LRRC4C: variants seen among roughly 807,000 people sequenced by gnomAD.
LRRC4C encodes leucine rich repeat containing 4C.
A neutral mutation model predicts 33.6 loss-of-function variants in LRRC4C; 5 were observed. That is an observed-to-expected ratio of 0.15 (90% confidence interval 0.08 to 0.31). The LOEUF (loss-of-function observed/expected upper bound fraction) is 0.31, where lower values mean the gene tolerates loss of function less well. Ranked by LOEUF, LRRC4C falls within the 10% of genes least tolerant of loss-of-function variation. The probability of loss-of-function intolerance (pLI) is 1.00; values close to 1 mark genes in which losing one functional copy is unlikely to be tolerated. For missense variants in LRRC4C, 560 were observed against 796.7 expected (o/e 0.70, Z 3.58); for synonymous variants, 329 against 302.0 (o/e 1.09, Z -0.93).
chr11:41,018,687 C>A (rs1312280364), intron 1 of LRRC4C, among the ~76,000 whole-genome samples: 1 of 152,118 alleles, frequency 6.6e-6, no homozygotes, highest in African/African-American at 2.4e-5. Flanking sequence ...CCTTTCTTCA[C>A]CTCTCTTGCT....
intron 1 of LRRC4C, among the ~76,000 whole-genome samples, chr11:40,950,135 C>T (rs1958627079): frequency 6.6e-6 from 1 of 151,876 alleles, no homozygotes; most frequent in South Asian, 2.1e-4. Flanking sequence ...TGTCCAAGGT[C>T]CCACCCACCC....
intron 2 of LRRC4C, among the ~76,000 whole-genome samples, chr11:40,753,540 C>CTTT (rs34980126): frequency 4.5e-4 from 58 of 129,676 alleles, no homozygotes; most frequent in East Asian, 3.4e-3. Flanking sequence ...CACAGAGGCA[C>CTTT]TTTTTTTTTT....
intron 3 of LRRC4C, among the ~76,000 whole-genome samples, chr11:40,525,006 G>T (rs949228347): frequency 3.3e-5 from 5 of 152,130 alleles, no homozygotes; most frequent in African/African-American, 1.2e-4. Flanking sequence ...TATAAAGAAT[G>T]GGTAGTGATT....
intron 4 of LRRC4C, among the ~76,000 whole-genome samples, chr11:40,299,720 T>A (rs1291479726): frequency 1.3e-5 from 2 of 152,210 alleles, no homozygotes; most frequent in Non-Finnish European, 2.9e-5. Context: ...CTTAATAAAT[T>A]TTGATTGACT....
chr11:40,556,307 C>A (rs1232476299), intron 3 of LRRC4C, among the ~76,000 whole-genome samples: 1 of 152,176 alleles, frequency 6.6e-6, no homozygotes, highest in Non-Finnish European at 1.5e-5. Context: ...CTGTAGCTTT[C>A]CTACCAAGTT....
At chr11:40,588,147 T>A (rs1434669700) in intron 3 of LRRC4C, among the ~76,000 whole-genome samples, 1 of 151,610 alleles carries the variant, frequency 6.6e-6, no homozygotes, top group Non-Finnish European at 1.5e-5. Context: ...ATTGCCACAA[T>A]TTCAGATCCT....
At chr11:40,369,561 C>A (rs574786817) in intron 3 of LRRC4C, among the ~76,000 whole-genome samples, 1 of 152,340 alleles carries the variant, frequency 6.6e-6, no homozygotes, top group African/African-American at 2.4e-5. Context: ...TGGTCTCGAA[C>A]TCCTGACCTC....
chr11:40,684,458 G>T (rs938114647), intron 2 of LRRC4C, among the ~76,000 whole-genome samples: 1 of 151,858 alleles, frequency 6.6e-6, no homozygotes, highest in Non-Finnish European at 1.5e-5. Context: ...ATGCATAAAA[G>T]ATATTAAAAG....
At chr11:40,190,763 C>T (rs1029039433) in intron 5 of LRRC4C, among the ~76,000 whole-genome samples, 10 of 152,106 alleles carry the variant, frequency 6.6e-5, no homozygotes, top group Non-Finnish European at 1.3e-4. Context: ...TAGTTATACT[C>T]ATGTGTCTAG....
intron 4 of LRRC4C, among the ~76,000 whole-genome samples, chr11:40,315,641 G>A (rs1175844407): frequency 6.6e-6 from 1 of 151,626 alleles, no homozygotes; most frequent in East Asian, 1.9e-4. Flanking sequence ...TTTTTAAGTT[G>A]TTTCCAATAT....
intron 6 of LRRC4C, among the ~76,000 whole-genome samples, chr11:40,121,653 T>G (rs1475909584): frequency 6.6e-6 from 1 of 152,196 alleles, no homozygotes; most frequent in Non-Finnish European, 1.5e-5. Context: ...TCAACAGACT[T>G]TCTTCCTTTA....
chr11:40,293,198 G>C (rs1944314904), intron 4 of LRRC4C: 1 of 152,364 alleles, frequency 6.6e-6, no homozygotes, highest in Admixed American at 6.6e-5. Flanking sequence ...ATGGAGTGCG[G>C]GGGGCGGGGG....
At chr11:41,429,151 T>C (rs1955146831) in intron 1 of LRRC4C, among the ~76,000 whole-genome samples, 1 of 152,078 alleles carries the variant, frequency 6.6e-6, no homozygotes, top group African/African-American at 2.4e-5. Context: ...TTTTATAAGG[T>C]ATAAGGGGCT....
intron 2 of LRRC4C, among the ~76,000 whole-genome samples, chr11:40,759,255 T>G (rs1370185284): frequency 6.8e-6 from 1 of 147,792 alleles, no homozygotes; most frequent in East Asian, 2.0e-4. Flanking sequence ...TATGTACTTC[T>G]TCCATATATA....
At chr11:41,368,634 T>C (rs1952630345) in intron 1 of LRRC4C, among the ~76,000 whole-genome samples, 1 of 152,216 alleles carries the variant, frequency 6.6e-6, no homozygotes, top group Non-Finnish European at 1.5e-5. Flanking sequence ...CCATCACACA[T>C]GGCTCTGCCA....
intron 3 of LRRC4C, among the ~76,000 whole-genome samples, chr11:40,631,477 T>C (rs1963473084): frequency 1.3e-5 from 2 of 152,168 alleles, no homozygotes; most frequent in Non-Finnish European, 2.9e-5. Flanking sequence ...AACAGACATA[T>C]GGCTGCAAAA....
intron 5 of LRRC4C, among the ~76,000 whole-genome samples, chr11:40,194,178 A>G (rs1862065516): frequency 6.6e-6 from 1 of 152,148 alleles, no homozygotes; most frequent in African/African-American, 2.4e-5. Flanking sequence ...GGTTGAAATG[A>G]AGGAAAAAAT....
At chr11:40,937,727 C>T (rs1244944068) in intron 1 of LRRC4C, among the ~76,000 whole-genome samples, 2 of 151,804 alleles carry the variant, frequency 1.3e-5, no homozygotes, top group Non-Finnish European at 2.9e-5. Context: ...ACTGCAGCCT[C>T]GAACTCCTGT....
intron 2 of LRRC4C, among the ~76,000 whole-genome samples, chr11:40,836,030 C>G (rs1420115106): frequency 6.6e-6 from 1 of 152,080 alleles, no homozygotes; most frequent in South Asian, 2.1e-4. Context: ...AACTTAATTC[C>G]AGTCACTGTA....
Sources: allele counts gnomAD v4.1 joint callset (sites outside exome capture counted in the v4.1 genomes callset), GRCh38; gene constraint gnomAD v4.1.1; transcripts MANE v1.5; gene names NCBI Gene and HGNC (gene_info 2026-07-23, HGNC 2026-07-21).